Variants in PAK4 observed in about 807,000 individuals in gnomAD.
PAK4 encodes the protein p21 (RAC1) activated kinase 4.
A neutral mutation model predicts 53.5 loss-of-function variants in PAK4; 49 were observed. The ratio of observed to expected loss-of-function variants is 0.92; its 90% CI spans 0.73 to 1.16. The LOEUF (loss-of-function observed/expected upper bound fraction) is 1.16. Among genes scored for constraint, PAK4 ranks in the 50% most tolerant of loss-of-function variants. The pLI is 0.00. For missense variants in PAK4, 824 were observed against 850.7 expected (o/e 0.97, Z 0.39); for synonymous variants, 376 against 375.6 (o/e 1.00, Z -0.01).
intron 1 of PAK4, among the ~76,000 whole-genome samples, chr19:39,139,819 TG>T (rs761358455): frequency 2.2e-4 from 33 of 152,176 alleles, no homozygotes; most frequent in Non-Finnish European, 4.0e-4. Context: ...GTCTGGGCCT[TG>T]GGGTTTTTTA....
chr19:39,164,414 G>A (rs973582009), intron 1 of PAK4, among the ~76,000 whole-genome samples: 2 of 152,138 alleles, frequency 1.3e-5, no homozygotes, highest in African/African-American at 2.4e-5. Flanking sequence ...GAGCACAGGC[G>A]GGCCTGGGAA....
chr19:39,127,999 C>T (rs966367595), intron 1 of PAK4, among the ~76,000 whole-genome samples: 3 of 151,972 alleles, frequency 2.0e-5, no homozygotes, highest in South Asian at 2.1e-4. Flanking sequence ...TTTGGAGGGA[C>T]GGTGGGAGCA....
intron 1 of PAK4, among the ~76,000 whole-genome samples, chr19:39,154,295 G>A (rs569703545): frequency 2.6e-5 from 4 of 152,174 alleles, no homozygotes; most frequent in Non-Finnish European, 5.9e-5. Flanking sequence ...TGCCAGCAGC[G>A]TGGGAGAGCC....
chr19:39,141,135 C>T (rs532436349), intron 1 of PAK4, among the ~76,000 whole-genome samples: 3 of 152,194 alleles, frequency 2.0e-5, no homozygotes, highest in Admixed American at 6.5e-5. Flanking sequence ...CTCGCGCCCT[C>T]CTGGGGTCCC....
intron 1 of PAK4, chr19:39,152,506 G>A (rs754019900): frequency 6.6e-6 from 1 of 152,146 alleles, no homozygotes; most frequent in African/African-American, 2.4e-5. Context: ...AAAGGGGAAA[G>A]TATTGAACCT....
chr19:39,151,496 C>T lies in PAK4; in HGVS notation c.-22-18036C>T, dbSNP rs144561231. On this transcript the variant is annotated intron_variant, in intron 1 of 8. Transcript: ENST00000358301. Reference sequence around the variant, plus strand: ...TTTACCCACAGACAAACTTGCACACCTGTGAAATGACAGCTGCACACAGTG... The same window carrying T: ...TTTACCCACAGACAAACTTGCACACTTGTGAAATGACAGCTGCACACAGTG... 6.8e-3 allele frequency among the ~76,000 whole-genome samples: 1,037 copies of T among 152,320 alleles called. 19 individuals are homozygous for T. Among genetic ancestry groups the T allele is most frequent in the African/African-American group, 0.023 (951 of 41,572 alleles).
chr19:39,174,072 C>T, intron 4 of PAK4, 62 bp downstream of exon 5: 4 of 1,039,924 alleles, frequency 3.8e-6, no homozygotes, highest in Non-Finnish European at 4.2e-6. Context: ...CACCCTCCCT[C>T]CCCTCCTCCC....
At chr19:39,153,461 A>C (rs1248719852) in intron 1 of PAK4, among the ~76,000 whole-genome samples, 2 of 152,016 alleles carry the variant, frequency 1.3e-5, no homozygotes, top group Admixed American at 6.6e-5. Context: ...TATTTTTTTG[A>C]AACAGAGTCT....
At chr19:39,155,698 T>A (rs2074168359) in intron 1 of PAK4, among the ~76,000 whole-genome samples, 1 of 152,120 alleles carries the variant, frequency 6.6e-6, no homozygotes, top group South Asian at 2.1e-4. Context: ...AGCCTCATGC[T>A]TGGAGCAGCT....
At chr19:39,172,499 C>T (rs573756630) in intron 2 of PAK4, among the ~76,000 whole-genome samples, 5 of 152,214 alleles carry the variant, frequency 3.3e-5, no homozygotes, top group South Asian at 2.1e-4. Context: ...GGAACACTGG[C>T]GCCCACATGG....
chr19:39,149,030 G>A (rs1057324139), intron 1 of PAK4, among the ~76,000 whole-genome samples: 1 of 152,154 alleles, frequency 6.6e-6, no homozygotes, highest in Non-Finnish European at 1.5e-5. Flanking sequence ...AAAATAACAA[G>A]TGTTGGGAGG....
chr19:39,160,846 A>G (rs35946542), intron 1 of PAK4, among the ~76,000 whole-genome samples: 46,510 of 152,224 alleles, frequency 0.31, 7,553 homozygotes, highest in Middle Eastern at 0.39. Flanking sequence ...TGTCAGGGAC[A>G]TTGTCCCTTC....
intron 1 of PAK4, among the ~76,000 whole-genome samples, chr19:39,165,346 CAA>C (rs59682991): frequency 5.4e-5 from 5 of 92,636 alleles, no homozygotes; most frequent in African/African-American, 8.1e-5. Context: ...ACTAAAAATA[CAA>C]AAAAAAAAAA....
chr19:39,173,678 GC>G lies in PAK4; in HGVS notation c.771del (p.Ser258AlafsTer111). The G allele has an allele frequency of 1.3e-6, 2 of 1,582,968 alleles. No homozygotes were observed. The highest frequency in any genetic ancestry group is 1.7e-5 in the Admixed American group (1 of 57,518). The stretch of plus-strand genomic sequence containing the variant: ...CCGGCCTCCCACCCGAGCCCGAGGT[GC>G]CCCCAGCCCTGGAGTGCTGGGACCC... On this transcript the variant is annotated frameshift_variant, in exon 4 of 9. Coordinates refer to ENST00000358301, the Ensembl canonical transcript of PAK4. LOFTEE classifies it high-confidence loss of function. The surrounding 1 kb of genome is among the most constrained non-coding windows in gnomAD (Gnocchi z 6.9).
chr19:39,178,811 C>T lies in PAK4; in HGVS notation c.*232C>T, dbSNP rs1026879371. ...CAAGCGAGGCTCCCAGGACCCCCAC[C>T]CTCTGGGACAGGCCCTCCCCCATGT... On this transcript the variant is annotated 3_prime_UTR_variant, in exon 9 of 9. Coordinates refer to ENST00000358301, the Ensembl canonical transcript of PAK4. The surrounding 1 kb of genome is among the most constrained non-coding windows in gnomAD (Gnocchi z 4.4). 14 of 481,364 alleles carry T rather than the reference C, an allele frequency of 2.9e-5. No homozygotes were observed. The highest frequency in any genetic ancestry group is 2.2e-4 in the African/African-American group (11 of 49,170). The allele number at this position is 481,364 out of a possible 1,614,324, so 29.8% of individuals were successfully genotyped here.
chr19:39,150,639 C>T (rs1322832849), intron 1 of PAK4, among the ~76,000 whole-genome samples: 2 of 152,100 alleles, frequency 1.3e-5, no homozygotes, highest in Admixed American at 1.3e-4. Flanking sequence ...CCTGTAATCC[C>T]AGCACTTGGG....
At chr19:39,140,679 G>A (rs1170768030) in intron 1 of PAK4, among the ~76,000 whole-genome samples, 1 of 152,190 alleles carries the variant, frequency 6.6e-6, no homozygotes, top group African/African-American at 2.4e-5. Flanking sequence ...CTCACTGAGG[G>A]ATGAGGGCTC....
chr19:39,171,776 CG>C (rs2074485406), intron 2 of PAK4, among the ~76,000 whole-genome samples: 1 of 152,198 alleles, frequency 6.6e-6, no homozygotes, highest in Non-Finnish European at 1.5e-5. Flanking sequence ...CTGGCAGCCC[CG>C]GGCAGGGTCC....
chr19:39,132,013 C>T (rs1190558838), intron 1 of PAK4, among the ~76,000 whole-genome samples: 2 of 152,110 alleles, frequency 1.3e-5, no homozygotes, highest in Non-Finnish European at 2.9e-5. Context: ...CGATGGTTTC[C>T]GTCCCTTGCA....
Sources: gnomAD v4.1 joint callset for allele counts (sites outside exome capture counted in the v4.1 genomes callset) on GRCh38, gnomAD v4.1.1 for gene constraint, Gnocchi (gnomAD v3.1) non-coding constraint, MANE v1.5 for transcripts, NCBI Gene and HGNC (gene_info 2026-07-23, HGNC 2026-07-21) for gene names.